GSE1: variants seen among roughly 807,000 people sequenced by gnomAD.
The protein encoded by GSE1 is Gse1 coiled-coil protein, also known as genetic suppressor element 1.
A neutral mutation model predicts 112.6 loss-of-function variants in GSE1; 32 were observed. The ratio of observed to expected loss-of-function variants is 0.28; its 90% confidence interval spans 0.21 to 0.38. The LOEUF is 0.38. Among genes scored for constraint, GSE1 ranks in the 10% least tolerant of loss-of-function variants. GSE1 has a pLI of 1.00. For synonymous variants in GSE1, 1,115 were observed against 735.6 expected, an observed-to-expected ratio of 1.52 and a Z score of -8.35; for missense variants, 2,348 against 1,699.2, an observed-to-expected ratio of 1.38 and a Z score of -6.71.
At chr16:85,375,690 C>G (rs1348784156) in intron 2 of GSE1, among the ~76,000 whole-genome samples, 2 of 151,818 alleles carry the variant, frequency 1.3e-5, no homozygotes, top group African/African-American at 4.8e-5. Flanking sequence ...GCACCCAGAG[C>G]GCCATGAGCC....
At chr16:85,305,377 T>G (rs1317343996) in intron 1 of GSE1, among the ~76,000 whole-genome samples, 1 of 152,192 alleles carries the variant, frequency 6.6e-6, no homozygotes, top group Non-Finnish European at 1.5e-5. Flanking sequence ...CTCGAACTCC[T>G]GGGCCCAAGT....
chr16:85,312,697 G>A (rs567685523), intron 1 of GSE1, among the ~76,000 whole-genome samples: 2 of 152,190 alleles, frequency 1.3e-5, no homozygotes, highest in South Asian at 2.1e-4. Context: ...GGGAGGGGGA[G>A]GAGGGAGAGG....
At chr16:85,456,362 C>T (rs1377467114) in intron 2 of GSE1, among the ~76,000 whole-genome samples, 1 of 152,096 alleles carries the variant, frequency 6.6e-6, no homozygotes, top group Admixed American at 6.6e-5. Context: ...GAGGTGGGAC[C>T]CTTTGAGCTT....
At chr16:85,303,402 C>CT (rs898885170) in intron 1 of GSE1, among the ~76,000 whole-genome samples, 1 of 152,226 alleles carries the variant, frequency 6.6e-6, no homozygotes, top group African/African-American at 2.4e-5. Flanking sequence ...GGTTTCCCAC[C>CT]TGTCGGTCTG....
intron 1 of GSE1, among the ~76,000 whole-genome samples, chr16:85,234,844 C>A (rs1289032221): frequency 6.6e-6 from 1 of 152,280 alleles, no homozygotes; most frequent in East Asian, 1.9e-4. Flanking sequence ...GCGAATACGG[C>A]CCAGCTGGGG....
chr16:85,387,075 G>A (rs1483202776), intron 2 of GSE1, among the ~76,000 whole-genome samples: 1 of 152,184 alleles, frequency 6.6e-6, no homozygotes, highest in South Asian at 2.1e-4. Context: ...AGAAAGGAGT[G>A]ATAGTGGGGT....
At chr16:85,346,507 G>C (rs1011892803) in intron 1 of GSE1, among the ~76,000 whole-genome samples, 1 of 148,020 alleles carries the variant, frequency 6.8e-6, no homozygotes, top group African/African-American at 2.5e-5. Context: ...AGATAGATGG[G>C]TGATGGATGG....
At chr16:85,488,255 C>T (rs1287576046) in intron 2 of GSE1, among the ~76,000 whole-genome samples, 4 of 152,164 alleles carry the variant, frequency 2.6e-5, no homozygotes, top group South Asian at 2.1e-4. Flanking sequence ...CTAGCATCCT[C>T]GTCCTCTTGC....
chr16:85,244,329 A>G (rs1327692044), intron 1 of GSE1, among the ~76,000 whole-genome samples: 2 of 152,010 alleles, frequency 1.3e-5, no homozygotes, highest in African/African-American at 4.8e-5. Flanking sequence ...GAGCCAAGGG[A>G]TGTAGGTGGC....
At chr16:85,496,989 C>T (rs913906100) in intron 2 of GSE1, among the ~76,000 whole-genome samples, 3 of 152,084 alleles carry the variant, frequency 2.0e-5, no homozygotes, top group Non-Finnish European at 4.4e-5. Flanking sequence ...ACCTCTGCCT[C>T]CCAGGTTCAA....
In GSE1 at chr16:85,656,061, T is replaced by A. The variant is rs1293133113; in HGVS notation, c.989+144T>A. 4.2e-6 allele frequency: 3 copies of A among 706,800 alleles called. No individual in the cohort carries two copies. In the East Asian group the frequency reaches 8.1e-5, roughly 19 times the overall value. 43.8% of individuals were successfully genotyped at this position (706,800 alleles called of 1,614,324 possible). A position where few individuals can be genotyped will look rare whatever the true frequency, so the allele number is the denominator to read the frequency against. ...GTCCACCTGCCAAATGGGACAATGA[T>A]CGTTCAGGCTCTGCTCTGAAATAGC... On this transcript the variant is annotated intron_variant, in intron 6 of 15. Transcript: ENST00000253458.
chr16:85,517,570 C>T (rs2051993401), intron 2 of GSE1, among the ~76,000 whole-genome samples: 1 of 151,066 alleles, frequency 6.6e-6, no homozygotes, highest in African/African-American at 2.5e-5. Flanking sequence ...GCTGCCTGCT[C>T]CCCACCAACC....
intron 2 of GSE1, among the ~76,000 whole-genome samples, chr16:85,446,470 C>T (rs114851423): frequency 1.4e-4 from 21 of 152,318 alleles, no homozygotes; most frequent in African/African-American, 5.1e-4. Context: ...GATGTCCCCC[C>T]ACTCGGCATT....
intron 1 of GSE1, among the ~76,000 whole-genome samples, chr16:85,212,688 G>C (rs1048691871): frequency 2.1e-4 from 32 of 152,188 alleles, no homozygotes; most frequent in African/African-American, 6.0e-4. Flanking sequence ...ACTTCGTTAT[G>C]GCTGCCCAAG....
chr16:85,673,209 A>G lies in GSE1; in HGVS notation c.*670A>G, dbSNP rs976076004. The G allele has an allele frequency of 2.0e-5, 3 of 152,616 alleles. No homozygotes were observed. Among genetic ancestry groups the G allele is most frequent in the Admixed American group, 6.5e-5 (1 of 15,278 alleles). The allele number at this position is 152,616 out of a possible 1,614,324, so 9.5% of individuals were successfully genotyped here. ...TTTTATTACTCCGTGGGGAGCATGT[A>G]CAGAGCTCTGTGTATACACAGCTTC... On this transcript the variant is annotated 3_prime_UTR_variant, in exon 16 of 16. Transcript: ENST00000253458.
At position 85,241,157 on chromosome 16, in the gene GSE1, C is replaced by T. The variant is rs558303492; in HGVS notation, c.2283+69350C>T. Among the ~76,000 whole-genome samples the T allele has an allele frequency of 3.1e-4, 32 of 101,836 alleles. 1 individual carries two copies. In the South Asian group the frequency reaches 9.8e-3, roughly 31 times the overall value. The allele number at this position is 101,836 out of a possible 152,430, so 66.8% of individuals were successfully genotyped here. A position where few individuals can be genotyped will look rare whatever the true frequency, so the allele number is the denominator to read the frequency against. Reference sequence around the variant, plus strand: ...GCTCTGATACTTCCTAGCTGCGTGACCTTGGGCTCGGCTGCGTGACCTTGG... The same window carrying T: ...GCTCTGATACTTCCTAGCTGCGTGATCTTGGGCTCGGCTGCGTGACCTTGG... On this transcript the variant is annotated intron_variant, in intron 1 of 2. Transcript: ENST00000637419.
intron 2 of GSE1, among the ~76,000 whole-genome samples, chr16:85,400,813 G>GTGTT (rs1555578338): frequency 6.6e-5 from 1 of 15,232 alleles, no homozygotes; most frequent in Non-Finnish European, 1.5e-3. Context: ...GTATGATTTT[G>GTGTT]TGTCTGTGAT....
intron 1 of GSE1, among the ~76,000 whole-genome samples, chr16:85,209,817 G>A (rs144010586): frequency 6.6e-6 from 1 of 152,332 alleles, no homozygotes; most frequent in African/African-American, 2.4e-5. Context: ...GAGAGGGTTA[G>A]GGGTCCCTAC....
intron 2 of GSE1, among the ~76,000 whole-genome samples, chr16:85,374,958 C>T (rs2047386954): frequency 6.6e-6 from 1 of 152,208 alleles, no homozygotes; most frequent in Non-Finnish European, 1.5e-5. Context: ...CACCCCTTTG[C>T]CCCCGAGTGT....
Sources: gnomAD v4.1 joint callset for allele counts (sites outside exome capture counted in the v4.1 genomes callset) on GRCh38, gnomAD v4.1.1 for gene constraint, MANE v1.5 for transcripts, NCBI Gene and HGNC (gene_info 2026-07-23, HGNC 2026-07-21) for gene names.